Variants in CADPS observed in about 807,000 individuals in gnomAD.
CADPS encodes calcium-dependent secretion activator 1.
A neutral mutation model predicts 167.3 loss-of-function variants in CADPS; 57 were observed. The ratio of observed to expected loss-of-function variants is 0.34; its 90% CI spans 0.28 to 0.42. The LOEUF is 0.42. Among genes scored for constraint, CADPS ranks in the 20% least tolerant of loss-of-function variants. The probability of loss-of-function intolerance (pLI) is 1.00; values close to 1 mark genes in which losing one functional copy is unlikely to be tolerated. For missense variants in CADPS, 1,414 were observed against 1,738.1 expected (o/e 0.81, Z 3.32); for synonymous variants, 676 against 635.3 (o/e 1.06, Z -0.96).
intron 3 of CADPS, among the ~76,000 whole-genome samples, chr3:62,693,968 G>C (rs1685046909): frequency 6.6e-6 from 1 of 152,002 alleles, no homozygotes; most frequent in South Asian, 2.1e-4. Flanking sequence ...CAGTCACAAA[G>C]GATATCACAA....
At chr3:62,490,767 C>T (rs566348232) in intron 21 of CADPS, among the ~76,000 whole-genome samples, 1 of 152,202 alleles carries the variant, frequency 6.6e-6, no homozygotes, top group South Asian at 2.1e-4. Flanking sequence ...ATCTAAAAGG[C>T]CTAGACCAGG....
At chr3:62,655,461 C>A (rs889911021) in intron 4 of CADPS, among the ~76,000 whole-genome samples, 1 of 152,174 alleles carries the variant, frequency 6.6e-6, no homozygotes, top group South Asian at 2.1e-4. Context: ...TTGTTTTGGG[C>A]TGATAACATT....
intron 9 of CADPS, among the ~76,000 whole-genome samples, chr3:62,567,924 T>C (rs141108802): frequency 0.015 from 2,289 of 152,256 alleles, 25 homozygotes; most frequent in Non-Finnish European, 0.02. Context: ...TGTATGCTCT[T>C]TAAAGTGGAT....
chr3:62,680,058 G>C (rs932886194), intron 3 of CADPS, among the ~76,000 whole-genome samples: 2 of 151,918 alleles, frequency 1.3e-5, no homozygotes, highest in South Asian at 4.1e-4. Flanking sequence ...GCCACTAAAG[G>C]TTACTTAGGA....
chr3:62,674,871 A>G (rs1227731205), intron 3 of CADPS, among the ~76,000 whole-genome samples: 2 of 152,210 alleles, frequency 1.3e-5, no homozygotes, highest in Non-Finnish European at 2.9e-5. Flanking sequence ...GGTGAAGCTG[A>G]GGTCCATAAT....
intron 3 of CADPS, among the ~76,000 whole-genome samples, chr3:62,747,151 A>G (rs1325604611): frequency 1.3e-5 from 2 of 152,266 alleles, no homozygotes; most frequent in African/African-American, 4.8e-5. Flanking sequence ...TGTTGAATGA[A>G]TGATGAAAGT....
chr3:62,588,270 T>G (rs975055851), intron 7 of CADPS, among the ~76,000 whole-genome samples: 1 of 151,496 alleles, frequency 6.6e-6, no homozygotes, highest in East Asian at 1.9e-4. Context: ...TCTGCCTTCT[T>G]GCTAGGTGCT....
intron 1 of CADPS, among the ~76,000 whole-genome samples, chr3:62,852,407 G>A (rs577068824): frequency 3.4e-4 from 51 of 151,998 alleles, no homozygotes; most frequent in South Asian, 6.2e-4. Context: ...GTTCCTATTC[G>A]GCCATCTTGG....
intron 21 of CADPS, among the ~76,000 whole-genome samples, chr3:62,486,868 T>C (rs1008481132): frequency 6.6e-5 from 10 of 152,138 alleles, no homozygotes; most frequent in African/African-American, 2.2e-4. Flanking sequence ...TATTTATACA[T>C]GCTTTTAATT....
At chr3:62,835,148 G>GA (rs1447620267) in intron 1 of CADPS, among the ~76,000 whole-genome samples, 3 of 152,124 alleles carry the variant, frequency 2.0e-5, no homozygotes, top group East Asian at 3.9e-4. Context: ...TTTTGAATTG[G>GA]AAAAATGTAA....
chr3:62,474,170 T>TTTTTTTTTTTTTTTTAACA lies in CADPS; in HGVS notation c.3477+2_3477+3insTGTTAAAAAAAAAAAAAAA. On this transcript the variant is annotated splice_region_variant and intron_variant, in intron 24 of 29. Transcript: ENST00000383710. ...AAATCTGTATTTTTTTTTTTTTTTT[T>TTTTTTTTTTTTTTTTAACA]ACCTCTTGGCCCATTTCCATGCTGC... 1 of 1,475,398 alleles carries TTTTTTTTTTTTTTTTAACA rather than the reference T, an allele frequency of 6.8e-7. No individual in the cohort carries two copies. Among genetic ancestry groups the TTTTTTTTTTTTTTTTAACA allele is most frequent in the Non-Finnish European group, 9.0e-7 (1 of 1,105,886 alleles). The allele number at this position is 1,475,398 out of a possible 1,614,324, so 91.4% of individuals were successfully genotyped here.
chr3:62,623,816 A>C (rs1414816154), intron 6 of CADPS, among the ~76,000 whole-genome samples: 1 of 152,152 alleles, frequency 6.6e-6, no homozygotes, highest in Non-Finnish European at 1.5e-5. Flanking sequence ...CAGTCAATAA[A>C]AATAAATTAA....
intron 9 of CADPS, among the ~76,000 whole-genome samples, chr3:62,563,586 G>A (rs1294182987): frequency 6.6e-6 from 1 of 152,150 alleles, no homozygotes; most frequent in Non-Finnish European, 1.5e-5. Flanking sequence ...GTGATATTCA[G>A]TTACATGAGT....
rs115395071 is a variant in CADPS, at chr3:62,559,840, G to A, written c.1645-2327C>T. 2.0e-3 allele frequency among the ~76,000 whole-genome samples: 303 copies of A among 152,014 alleles called. 2 individuals carry two copies. Among genetic ancestry groups the A allele is most frequent in the African/African-American group, 7.1e-3 (296 of 41,476 alleles). ...TTTCTCATCTGACAACATGAAAGAT[G>A]ACATAGTTTGTTAATGTGATTGGCC... is the stretch of plus-strand genomic sequence containing the variant. On this transcript the variant is annotated intron_variant, in intron 9 of 29. Transcript: ENST00000383710.
chr3:62,447,054 G>C (rs1410651333), intron 26 of CADPS, among the ~76,000 whole-genome samples: 1 of 152,126 alleles, frequency 6.6e-6, no homozygotes, highest in African/African-American at 2.4e-5. Context: ...CAAAATGTCA[G>C]CTCTCAAGAG....
chr3:62,856,463 A>T (rs1373669163), intron 1 of CADPS, among the ~76,000 whole-genome samples: 1 of 152,138 alleles, frequency 6.6e-6, no homozygotes, highest in Non-Finnish European at 1.5e-5. Context: ...AAATCCAAGC[A>T]ATCTTTTATT....
intron 8 of CADPS, among the ~76,000 whole-genome samples, chr3:62,583,939 A>G (rs1316638850): frequency 1.3e-5 from 2 of 151,450 alleles, no homozygotes; most frequent in Non-Finnish European, 2.9e-5. Context: ...ACCTGTCTTA[A>G]TCACGGCTAG....
chr3:62,557,014 C>G (rs868561225), intron 10 of CADPS, among the ~76,000 whole-genome samples: 6,282 of 147,700 alleles, frequency 0.043, 184 homozygotes, highest in South Asian at 0.07. Context: ...CACACACACA[C>G]ACACACACAC....
At chr3:62,868,493 A>G (rs1489111852) in intron 1 of CADPS, among the ~76,000 whole-genome samples, 1 of 152,142 alleles carries the variant, frequency 6.6e-6, no homozygotes, top group East Asian at 1.9e-4. Context: ...TTGTAAGAGA[A>G]GCCAGAAATC....
Sources: allele counts gnomAD v4.1 joint callset (sites outside exome capture counted in the v4.1 genomes callset), GRCh38; gene constraint gnomAD v4.1.1; transcripts MANE v1.5; gene names NCBI Gene and HGNC (gene_info 2026-07-23, HGNC 2026-07-21).